The following IL1RAPL1 variants were observed in gnomAD, a reference collection of about 807,000 sequenced individuals.
IL1RAPL1 encodes the protein interleukin 1 receptor accessory protein like 1, also known as interleukin-1 receptor accessory protein-like 1.
In IL1RAPL1, 3 loss-of-function variants were observed where a neutral mutation model predicts 48.4. The ratio of observed to expected loss-of-function variants is 0.06; its 90% CI spans 0.03 to 0.16. The LOEUF (loss-of-function observed/expected upper bound fraction) is 0.16. Among genes scored for constraint, IL1RAPL1 ranks in the 10% least tolerant of loss-of-function variants. The probability of loss-of-function intolerance (pLI) is 1.00; values close to 1 mark genes in which losing one functional copy is unlikely to be tolerated. For missense variants in IL1RAPL1, 349 were observed against 530.6 expected (o/e 0.66, Z 3.36); for synonymous variants, 185 against 187.7 (o/e 0.99, Z 0.12).
At chrX:29,173,594 G>A (rs192351516) in intron 2 of IL1RAPL1, among the ~76,000 whole-genome samples, 492 of 111,502 alleles carry the variant, frequency 4.4e-3, no homozygotes, top group Non-Finnish European at 6.8e-3. Flanking sequence ...GTTAGCTCAA[G>A]CAACCTGGAA....
intron 2 of IL1RAPL1, among the ~76,000 whole-genome samples, chrX:28,847,263 C>G (rs754073051): frequency 2.7e-5 from 3 of 111,108 alleles, no homozygotes; most frequent in Non-Finnish European, 3.8e-5. Flanking sequence ...CAAAATTTGA[C>G]TAATTCTCAC....
chrX:29,420,325 A>G (rs1328473010), intron 5 of IL1RAPL1, among the ~76,000 whole-genome samples: 1 of 112,760 alleles, frequency 8.9e-6, no homozygotes, highest in African/African-American at 3.2e-5. Flanking sequence ...TAAAGTCACA[A>G]ATGGTCTAGA....
At chrX:29,658,325 G>A (rs756863142) in intron 5 of IL1RAPL1, among the ~76,000 whole-genome samples, 4 of 111,530 alleles carry the variant, frequency 3.6e-5, no homozygotes, top group Non-Finnish European at 7.5e-5. Context: ...GGTGAAAAAC[G>A]AATAGAGACC....
chrX:29,303,104 G>T (rs1932562869), intron 3 of IL1RAPL1, among the ~76,000 whole-genome samples: 1 of 111,577 alleles, frequency 9.0e-6, no homozygotes, highest in South Asian at 3.8e-4. Flanking sequence ...GAAGACCAAG[G>T]TTGGTCTCAG....
intron 2 of IL1RAPL1, among the ~76,000 whole-genome samples, chrX:28,993,679 G>A (rs1257756801): frequency 8.9e-6 from 1 of 111,887 alleles, no homozygotes; most frequent in Admixed American, 9.5e-5. Context: ...AATCTAAACG[G>A]ACAATTTGCA....
chrX:28,726,008 T>C (rs983429376), intron 1 of IL1RAPL1, among the ~76,000 whole-genome samples: 8 of 112,514 alleles, frequency 7.1e-5, no homozygotes, highest in African/African-American at 2.6e-4. Context: ...TCAAAGTTAT[T>C]TATGACAATG....
chrX:29,418,118 TA>T (rs1247667642), intron 5 of IL1RAPL1, among the ~76,000 whole-genome samples: 1,052 of 35,213 alleles, frequency 0.03, 26 homozygotes, highest in African/African-American at 0.086. Flanking sequence ...TATATATATA[TA>T]TATATATTTT....
intron 6 of IL1RAPL1, among the ~76,000 whole-genome samples, chrX:29,794,498 C>CTAAAATTAAAGCAAGCCTGAGATTAAAT (rs771551923): frequency 0.024 from 2,663 of 111,471 alleles, 70 homozygotes; most frequent in African/African-American, 0.083. Flanking sequence ...AGGTGGTATG[C>CTAAAATTAAAGCAAGCCTGAGATTAAAT]TAAAATTAAA....
chrX:28,725,732 G>A (rs1935665725), intron 1 of IL1RAPL1, among the ~76,000 whole-genome samples: 1 of 112,641 alleles, frequency 8.9e-6, no homozygotes, highest in South Asian at 3.6e-4. Flanking sequence ...GAGCAGTGGG[G>A]TGGATAATTC....
intron 1 of IL1RAPL1, among the ~76,000 whole-genome samples, chrX:28,689,419 C>T (rs1290487303): frequency 9.0e-6 from 1 of 111,198 alleles, no homozygotes; most frequent in East Asian, 2.8e-4. Context: ...TCCCCTTCTG[C>T]CATGATTGTA....
intron 6 of IL1RAPL1, among the ~76,000 whole-genome samples, chrX:29,828,746 C>T (rs150643500): frequency 0.024 from 2,718 of 111,112 alleles, 84 homozygotes; most frequent in African/African-American, 0.084. Context: ...AGTTATATGC[C>T]CATCATAAAA....
chrX:29,540,085 A>C (rs1383130943), intron 5 of IL1RAPL1, among the ~76,000 whole-genome samples: 3 of 112,040 alleles, frequency 2.7e-5, no homozygotes, highest in African/African-American at 9.7e-5. Flanking sequence ...ATAAAGTTTT[A>C]AGATACAAAA....
In IL1RAPL1 at chrX:28,820,567, A is replaced by G. The variant is rs368351533; in HGVS notation, c.82+31142A>G. 3.0e-4 allele frequency among the ~76,000 whole-genome samples: 34 copies of G among 112,147 alleles called. No homozygotes were observed. The South Asian group carries it at 0.01, about 34-fold the overall frequency. On this transcript the variant is annotated intron_variant, in intron 2 of 10. Coordinates refer to ENST00000378993, the MANE Select transcript of IL1RAPL1 (RefSeq NM_014271.4). ...GGATTAATACAAATAGTAAATGTAC[A>G]TATTAGTCAGGAAATCAGAAATCAT...
chrX:29,842,416 C>T (rs1345696666), intron 6 of IL1RAPL1, among the ~76,000 whole-genome samples: 10 of 111,645 alleles, frequency 9.0e-5, no homozygotes, highest in Non-Finnish European at 1.9e-4. Flanking sequence ...AGAAAGGGCT[C>T]GGATGTGTGG....
intron 6 of IL1RAPL1, among the ~76,000 whole-genome samples, chrX:29,698,991 A>G (rs767620817): frequency 2.7e-5 from 3 of 112,737 alleles, no homozygotes; most frequent in Non-Finnish European, 5.6e-5. Flanking sequence ...TTACGTGTAC[A>G]TAACAGAACC....
At chrX:29,451,195 A>AT (rs752694882) in intron 5 of IL1RAPL1, among the ~76,000 whole-genome samples, 111 of 92,957 alleles carry the variant, frequency 1.2e-3, no homozygotes, top group East Asian at 2.6e-3. Flanking sequence ...TTTTTATTTT[A>AT]TTTTTTTTTT....
chrX:29,659,939 A>C (rs1176618418), intron 5 of IL1RAPL1, among the ~76,000 whole-genome samples: 4 of 111,925 alleles, frequency 3.6e-5, no homozygotes, highest in African/African-American at 1.3e-4. Context: ...TAATTGACTC[A>C]CAGTTCTGCA....
intron 5 of IL1RAPL1, among the ~76,000 whole-genome samples, chrX:29,524,187 T>A (rs2147774358): frequency 9.3e-6 from 1 of 107,989 alleles, no homozygotes; most frequent in African/African-American, 3.3e-5. Context: ...GGCTTTTTTT[T>A]TTTTTTTTGC....
intron 2 of IL1RAPL1, among the ~76,000 whole-genome samples, chrX:28,952,393 T>A (rs1391005593): frequency 9.0e-6 from 1 of 111,472 alleles, no homozygotes; most frequent in Non-Finnish European, 1.9e-5. Flanking sequence ...AATTTAAATG[T>A]AACATACATA....
Sources: gnomAD v4.1 joint callset for allele counts (sites outside exome capture counted in the v4.1 genomes callset) on GRCh38, gnomAD v4.1.1 for gene constraint, MANE v1.5 for transcripts, NCBI Gene and HGNC (gene_info 2026-07-23, HGNC 2026-07-21) for gene names.